TMEM74: variants seen among roughly 807,000 people sequenced by gnomAD.
The protein encoded by TMEM74 is transmembrane protein 74.
Under a neutral mutation model 18.1 loss-of-function variants are expected in TMEM74, and 13 were observed. The observed-to-expected ratio is 0.72, with a 90% CI of 0.47 to 1.14. The LOEUF (loss-of-function observed/expected upper bound fraction) is 1.14, where lower values mean the gene tolerates loss of function less well. Among genes scored for constraint, TMEM74 ranks in the 50% most tolerant of loss-of-function variants. TMEM74 has a pLI of 0.00. For missense variants in TMEM74, 372 were observed against 375.9 expected (o/e 0.99, Z 0.09); for synonymous variants, 159 against 146.6 (o/e 1.08, Z -0.61).
chr8:108,766,591 A>G (rs899985230), intron 1 of TMEM74, among the ~76,000 whole-genome samples: 1 of 152,182 alleles, frequency 6.6e-6, no homozygotes, highest in Non-Finnish European at 1.5e-5. Context: ...CTTCTCCCAT[A>G]GGTCTTTGCA....
At chr8:108,640,638 AT>A (rs1022852785) in intron 2 of TMEM74, among the ~76,000 whole-genome samples, 8 of 151,488 alleles carry the variant, frequency 5.3e-5, no homozygotes, top group South Asian at 2.1e-4. Context: ...AGATTAGCAA[AT>A]TTTTTTTTGG....
intron 2 of TMEM74, among the ~76,000 whole-genome samples, chr8:108,609,787 C>A (rs1024154815): frequency 1.3e-5 from 2 of 152,312 alleles, no homozygotes; most frequent in Middle Eastern, 3.4e-3. Flanking sequence ...AAATAAACCT[C>A]ATTGCAATGA....
At chr8:108,736,588 G>A (rs1016419131) in intron 1 of TMEM74, among the ~76,000 whole-genome samples, 1 of 152,032 alleles carries the variant, frequency 6.6e-6, no homozygotes, top group East Asian at 1.9e-4. Context: ...AAGAAAAATA[G>A]CAAGTTGATG....
chr8:108,700,686 A>G (rs1372988739), intron 1 of TMEM74, among the ~76,000 whole-genome samples: 1 of 152,162 alleles, frequency 6.6e-6, no homozygotes, highest in African/African-American at 2.4e-5. Context: ...ATCAAAATGA[A>G]GTGAATTCGT....
At chr8:108,657,880 ATATATATATATATATATATATATT>A (rs1812858564) in intron 1 of TMEM74, among the ~76,000 whole-genome samples, 1 of 103,602 alleles carries the variant, frequency 9.7e-6, no homozygotes, top group African/African-American at 3.6e-5. Flanking sequence ...ATATATATAT[ATATATATATATATATATATATATT>A]AATTACATAT....
chr8:108,768,536 T>C (rs1424479732), intron 1 of TMEM74, among the ~76,000 whole-genome samples: 5 of 152,140 alleles, frequency 3.3e-5, no homozygotes, highest in Non-Finnish European at 7.3e-5. Flanking sequence ...ATGACATACA[T>C]AGGTGTTGTC....
intron 1 of TMEM74, among the ~76,000 whole-genome samples, chr8:108,668,419 G>A (rs1025506789): frequency 1.3e-5 from 2 of 152,026 alleles, no homozygotes; most frequent in Non-Finnish European, 2.9e-5. Flanking sequence ...ATGTTATTAG[G>A]GAAGTTATAC....
At chr8:108,745,063 T>C (rs1256535785) in intron 1 of TMEM74, among the ~76,000 whole-genome samples, 1 of 152,184 alleles carries the variant, frequency 6.6e-6, no homozygotes, top group Non-Finnish European at 1.5e-5. Context: ...AATGGAAAGA[T>C]ATTCCATTTG....
At chr8:108,618,284 G>C (rs1407300860) in intron 2 of TMEM74, among the ~76,000 whole-genome samples, 1 of 152,108 alleles carries the variant, frequency 6.6e-6, no homozygotes. Flanking sequence ...GGGCAAAAAG[G>C]GTTTTGTTGG....
In TMEM74 at chr8:108,781,706, T is replaced by C. The variant is rs1181534811; in HGVS notation, c.*2475A>G. 1.3e-5 allele frequency among the ~76,000 whole-genome samples: 2 copies of C among 152,190 alleles called. No individual in the cohort carries two copies. The highest frequency in any genetic ancestry group is 2.9e-5 in the Non-Finnish European group (2 of 68,034). ...CTTACCACATTTCGATTTTAAATTT[T>C]AAAGGAAATTATAGCATTCTAGGGA... On this transcript the variant is annotated 3_prime_UTR_variant, in exon 2 of 2. Transcript: ENST00000297459.
chr8:108,667,519 A>G (rs896760220), intron 1 of TMEM74, among the ~76,000 whole-genome samples: 1 of 152,142 alleles, frequency 6.6e-6, no homozygotes, highest in African/African-American at 2.4e-5. Flanking sequence ...ATTTAAATAT[A>G]GATTTCTGGA....
In TMEM74 at chr8:108,656,112, G is replaced by A. The variant is rs116581601; in HGVS notation, n.120-675C>T. Among the ~76,000 whole-genome samples, 116 of 152,098 alleles carry A rather than the reference G, an allele frequency of 7.6e-4. 1 individual carries two copies. The highest frequency in any genetic ancestry group is 3.4e-3 in the Middle Eastern group (1 of 294). ...TTTCCCCTCTCAGCGGTTTACTTTC[G>A]TCCCCAGGAGAGGCAGACTAATTTC... On this transcript the variant is annotated intron_variant and non_coding_transcript_variant, in intron 1 of 3. Transcript: ENST00000518838.
rs1554577381 is a variant in TMEM74 at position 108,756,639 on chromosome 8, G to GAAGGAAGGAAGGAAGA, written n.119+30836_119+30837insTCTTCCTTCCTTCCTT. On this transcript the variant is annotated intron_variant and non_coding_transcript_variant, in intron 1 of 3. Coordinates refer to the TMEM74 transcript ENST00000518838. ...GGAAGGAAGGAAGGAAGGAAGGAAG[G>GAAGGAAGGAAGGAAGA]AAGAAAGAAAGAGAAAGAAAGAAAG... Among the ~76,000 whole-genome samples, 20 of 32,718 alleles carry GAAGGAAGGAAGGAAGA rather than the reference G, an allele frequency of 6.1e-4. 2 individuals carry two copies. Among genetic ancestry groups the GAAGGAAGGAAGGAAGA allele is most frequent in the Non-Finnish European group, 1.0e-3 (17 of 17,084 alleles). 21.5% of individuals were successfully genotyped at this position (32,718 alleles called of 152,430 possible).
intron 2 of TMEM74, among the ~76,000 whole-genome samples, chr8:108,617,348 C>G (rs1391205): frequency 0.22 from 33,087 of 151,926 alleles, 3,641 homozygotes; most frequent in East Asian, 0.27. Context: ...TTTTGATGAA[C>G]TCAGTGTTAA....
intron 1 of TMEM74, among the ~76,000 whole-genome samples, chr8:108,706,205 A>G (rs1397981307): frequency 6.6e-6 from 1 of 152,182 alleles, no homozygotes; most frequent in African/African-American, 2.4e-5. Flanking sequence ...CTCAACACGT[A>G]TCTGTTTTAA....
At chr8:108,651,350 C>T (rs1812772828) in intron 2 of TMEM74, among the ~76,000 whole-genome samples, 2 of 152,092 alleles carry the variant, frequency 1.3e-5, no homozygotes, top group African/African-American at 4.8e-5. Flanking sequence ...ATCAGTTATT[C>T]TCAGAATTTC....
chr8:108,721,409 C>T (rs1224144701), intron 1 of TMEM74, among the ~76,000 whole-genome samples: 2 of 152,262 alleles, frequency 1.3e-5, no homozygotes, highest in African/African-American at 4.8e-5. Flanking sequence ...TCTAGCGACA[C>T]TAGTCATCTT....
chr8:108,720,746 A>G (rs906760084), intron 1 of TMEM74, among the ~76,000 whole-genome samples: 1 of 139,014 alleles, frequency 7.2e-6, no homozygotes, highest in Non-Finnish European at 1.6e-5. Context: ...TTATTTATTT[A>G]TTTATTTATT....
At chr8:108,732,013 G>A (rs1021772721) in intron 1 of TMEM74, among the ~76,000 whole-genome samples, 45 of 151,996 alleles carry the variant, frequency 3.0e-4, no homozygotes, top group Non-Finnish European at 4.9e-4. Context: ...CTTGGACTTA[G>A]TGTTTCATCC....
Sources: allele counts gnomAD v4.1 joint callset (sites outside exome capture counted in the v4.1 genomes callset), GRCh38; gene constraint gnomAD v4.1.1; transcripts MANE v1.5; gene names NCBI Gene and HGNC (gene_info 2026-07-23, HGNC 2026-07-21).